NAALADL2: variants seen among roughly 807,000 people sequenced by gnomAD.
The protein encoded by NAALADL2 is inactive N-acetylated-alpha-linked acidic dipeptidase-like protein 2.
NAALADL2 carries 76 observed loss-of-function variants against 87.2 expected under a neutral mutation model. That is an observed-to-expected ratio of 0.87 (90% CI 0.72 to 1.05). NAALADL2 has a LOEUF of 1.05. Ranked by LOEUF, NAALADL2 falls within the 50% of genes least tolerant of loss-of-function variation. The pLI is 0.00. For missense variants in NAALADL2, 1,089 were observed against 945.8 expected (o/e 1.15, Z -1.99); for synonymous variants, 354 against 331.0 (o/e 1.07, Z -0.75).
chr3:175,762,073 A>G (rs774645207), intron 13 of NAALADL2, among the ~76,000 whole-genome samples: 17 of 152,096 alleles, frequency 1.1e-4, no homozygotes, highest in Non-Finnish European at 2.2e-4. Context: ...GTCAAACCCA[A>G]AGTCACTCAG....
At chr3:175,685,701 C>G (rs982928748) in intron 11 of NAALADL2, among the ~76,000 whole-genome samples, 2 of 151,958 alleles carry the variant, frequency 1.3e-5, no homozygotes, top group African/African-American at 2.4e-5. Flanking sequence ...TGAAGGGCAG[C>G]AGACTGGAGA....
In NAALADL2 at chr3:175,791,265, A is replaced by C. The variant is rs373648479; in HGVS notation, c.2190-11740A>C. Among the ~76,000 whole-genome samples, 12 of 152,254 alleles carry C rather than the reference A, an allele frequency of 7.9e-5. No individual in the cohort carries two copies. The East Asian group carries it at 2.1e-3, about 27-fold the overall frequency. ...AGTGTAGTGGATATTGCTCTTTTAA[A>C]ATTTATTTTATTTTATTTTTGAGTG... On this transcript the variant is annotated intron_variant, in intron 13 of 13. Transcript: ENST00000454872.
Position 175,001,496 on chromosome 3 carries a change from T to C in NAALADL2, c.44-95294T>C, listed in dbSNP as rs1304438087. On this transcript the variant is annotated intron_variant, in intron 1 of 13. Coordinates refer to ENST00000454872, the MANE Select transcript of NAALADL2 (RefSeq NM_207015.3). ...TTGGGCATATTTTTCTTGGTTTAAA[T>C]AGGCTTTCCTAATATGAAGGTAAAG... Among the ~76,000 whole-genome samples the C allele has an allele frequency of 3.9e-5, 6 of 152,302 alleles. No homozygotes were observed. In the East Asian group the frequency reaches 1.2e-3, roughly 29 times the overall value.
intron 9 of NAALADL2, among the ~76,000 whole-genome samples, chr3:175,575,239 A>C (rs1007776058): frequency 1.1e-4 from 16 of 152,112 alleles, no homozygotes; most frequent in Non-Finnish European, 1.5e-5. Flanking sequence ...TTCAGGAAGA[A>C]ATGAAGAAAG....
intron 3 of NAALADL2, among the ~76,000 whole-genome samples, chr3:174,757,985 A>G (rs562925981): frequency 1.3e-5 from 2 of 152,338 alleles, no homozygotes; most frequent in Admixed American, 6.5e-5. Flanking sequence ...TTTTCCAGAA[A>G]TGGAAAGGCC....
rs1323319059 is a variant in NAALADL2 at position 175,809,573 on chromosome 3, A to G, written c.*6370A>G. 2 of 148,030 alleles carry G rather than the reference A, an allele frequency of 1.4e-5. No individual in the cohort carries two copies. The highest frequency in any genetic ancestry group is 6.8e-5 in the Admixed American group (1 of 14,602). 9.2% of individuals were successfully genotyped at this position (148,030 alleles called of 1,614,324 possible). A position where few individuals can be genotyped will look rare whatever the true frequency, so the allele number is the denominator to read the frequency against. On this transcript the variant is annotated 3_prime_UTR_variant, in exon 14 of 14. Transcript: ENST00000454872. ...AAAGTAGCTAGGCATGTTGGTGTGC[A>G]CCTTTGTAGTCCAGCTACTAGGGAG...
At chr3:175,671,654 G>C (rs995588281) in intron 11 of NAALADL2, among the ~76,000 whole-genome samples, 4 of 151,954 alleles carry the variant, frequency 2.6e-5, no homozygotes, top group African/African-American at 9.7e-5. Flanking sequence ...CAGCTTGCTA[G>C]AGTAAGTGGC....
intron 1 of NAALADL2, among the ~76,000 whole-genome samples, chr3:174,946,181 A>G (rs1196611534): frequency 6.6e-6 from 1 of 152,002 alleles, no homozygotes; most frequent in East Asian, 1.9e-4. Context: ...CCTATCAAGA[A>G]TTTGAGCTCC....
chr3:175,701,264 G>A (rs1326855739), intron 11 of NAALADL2, among the ~76,000 whole-genome samples: 1 of 152,092 alleles, frequency 6.6e-6, no homozygotes, highest in Non-Finnish European at 1.5e-5. Flanking sequence ...TTTCCTGGTT[G>A]GTCTTGTGTA....
intron 3 of NAALADL2, among the ~76,000 whole-genome samples, chr3:174,745,666 G>GC (rs1438298060): frequency 6.6e-6 from 1 of 152,160 alleles, no homozygotes; most frequent in Non-Finnish European, 1.5e-5. Flanking sequence ...CAATATCCCT[G>GC]ATGAACATTG....
At chr3:174,782,456 C>A (rs986392357) in intron 3 of NAALADL2, among the ~76,000 whole-genome samples, 10 of 123,214 alleles carry the variant, frequency 8.1e-5, no homozygotes, top group African/African-American at 2.5e-4. Context: ...ACAAATGATA[C>A]AACAAGATGA....
intron 9 of NAALADL2, among the ~76,000 whole-genome samples, chr3:175,533,386 G>A (rs978293380): frequency 6.6e-6 from 1 of 152,166 alleles, no homozygotes; most frequent in Admixed American, 6.5e-5. Flanking sequence ...GTTGGGGGTG[G>A]CTCCTGAGGA....
intron 2 of NAALADL2, among the ~76,000 whole-genome samples, chr3:174,671,506 G>C (rs922796366): frequency 1.3e-5 from 2 of 152,128 alleles, no homozygotes; most frequent in African/African-American, 2.4e-5. Flanking sequence ...TGGTGAGGGA[G>C]AGAACAGGAG....
intron 5 of NAALADL2, among the ~76,000 whole-genome samples, chr3:175,400,205 C>T (rs1770390554): frequency 6.6e-6 from 1 of 152,070 alleles, no homozygotes; most frequent in African/African-American, 2.4e-5. Context: ...TATTCTTGGG[C>T]TATATTTCAT....
intron 1 of NAALADL2, among the ~76,000 whole-genome samples, chr3:175,063,123 G>C (rs1250426955): frequency 6.6e-6 from 1 of 152,022 alleles, no homozygotes; most frequent in African/African-American, 2.4e-5. Flanking sequence ...TCAACTAGTA[G>C]GTAAAAGTTC....
chr3:175,260,950 A>G (rs979672808), intron 4 of NAALADL2, among the ~76,000 whole-genome samples: 4 of 152,124 alleles, frequency 2.6e-5, no homozygotes, highest in Non-Finnish European at 4.4e-5. Flanking sequence ...AAATCCCAAC[A>G]TTGCAGGGTA....
intron 4 of NAALADL2, among the ~76,000 whole-genome samples, chr3:175,269,705 A>C (rs1025753095): frequency 6.6e-6 from 1 of 152,212 alleles, no homozygotes; most frequent in Admixed American, 6.5e-5. Context: ...TGAATGTCTT[A>C]TCCAATGTTG....
intron 4 of NAALADL2, among the ~76,000 whole-genome samples, chr3:175,296,319 C>T (rs1342466232): frequency 1.3e-5 from 2 of 152,082 alleles, no homozygotes; most frequent in Non-Finnish European, 2.9e-5. Context: ...CTCAAACTGC[C>T]AATAATACTT....
At chr3:174,704,087 C>G (rs1378659277) in intron 2 of NAALADL2, among the ~76,000 whole-genome samples, 1 of 152,148 alleles carries the variant, frequency 6.6e-6, no homozygotes, top group Non-Finnish European at 1.5e-5. Flanking sequence ...GATACGGAAG[C>G]TTTAAGATGA....
Sources: allele counts gnomAD v4.1 joint callset (sites outside exome capture counted in the v4.1 genomes callset), GRCh38; gene constraint gnomAD v4.1.1; transcripts MANE v1.5; gene names NCBI Gene and HGNC (gene_info 2026-07-23, HGNC 2026-07-21).